The following VWF variants were observed in gnomAD, a reference collection of about 807,000 sequenced individuals.
VWF encodes von Willebrand factor, also known as Factor VIII related antigen.
VWF carries 176 observed loss-of-function variants against 308.6 expected under a neutral mutation model. The observed-to-expected ratio is 0.57, with a 90% CI of 0.50 to 0.65. The LOEUF (loss-of-function observed/expected upper bound fraction) is 0.65. Ranked by LOEUF, VWF falls within the 30% of genes least tolerant of loss-of-function variation. The pLI is 0.00. For missense variants in VWF, 3,146 were observed against 3,648.2 expected, an observed-to-expected ratio of 0.86 and a Z score of 3.55; for synonymous variants, 1,385 against 1,443.4, an observed-to-expected ratio of 0.96 and a Z score of 0.92.
intron 22 of VWF, among the ~76,000 whole-genome samples, chr12:6,028,389 A>G (rs1402962667): frequency 2.0e-5 from 3 of 152,228 alleles, no homozygotes; most frequent in Non-Finnish European, 2.9e-5. Context: ...ATTGTCATTC[A>G]GATTCAAGAA....
intron 16 of VWF, among the ~76,000 whole-genome samples, chr12:6,051,297 T>TCC: frequency 1.4e-5 from 2 of 145,568 alleles, no homozygotes; most frequent in Admixed American, 6.8e-5. Flanking sequence ...TTTTTTTTTT[T>TCC]TTTTTTTTTT....
chr12:6,056,782 G>A, intron 15 of VWF, 75 bp downstream of exon 15: 1 of 1,237,524 alleles, frequency 8.1e-7, no homozygotes, highest in Non-Finnish European at 1.0e-6. Flanking sequence ...ACAACGCAGA[G>A]AAAGGGCTTC....
intron 47 of VWF, among the ~76,000 whole-genome samples, chr12:5,964,274 GCATACATACATGCATA>G (rs1943369840): frequency 7.4e-6 from 1 of 134,706 alleles, no homozygotes; most frequent in Non-Finnish European, 1.6e-5. Context: ...ATACATACAT[GCATACATACATGCATA>G]CATACATACA....
In VWF at chr12:6,063,070, A is replaced by G; in HGVS notation, c.1433-16T>C. 7.5e-6 allele frequency: 12 copies of G among 1,610,116 alleles called. No homozygotes were observed. Among genetic ancestry groups the G allele is most frequent in the Non-Finnish European group, 9.3e-6 (11 of 1,177,856 alleles). The stretch of plus-strand genomic sequence containing the variant: ...CGGAGGTCACCTGGAACCCAGCAGG[A>G]CAGGACTCAGGCAGAGGTGGGGAGA... On this transcript the variant is annotated splice_polypyrimidine_tract_variant and intron_variant, in intron 12 of 51. Transcript: ENST00000261405. The surrounding 1 kb of genome is among the most constrained non-coding windows in gnomAD (Gnocchi z 4.9).
chr12:5,970,490 C>G (rs900566058), intron 44 of VWF, among the ~76,000 whole-genome samples: 6 of 152,132 alleles, frequency 3.9e-5, no homozygotes, highest in Non-Finnish European at 7.4e-5. Context: ...TGGGGCAGCC[C>G]CTGATCTGAG....
chr12:6,062,892 G>T, intron 13 of VWF, 62 bp downstream of exon 13: 2 of 1,382,304 alleles, frequency 1.4e-6, no homozygotes, highest in Non-Finnish European at 2.0e-6. Context: ...TCTACCCAGA[G>T]CACAAGGGGT....
At chr12:6,035,495 T>A (rs1417641426) in intron 19 of VWF, among the ~76,000 whole-genome samples, 1 of 152,130 alleles carries the variant, frequency 6.6e-6, no homozygotes, top group East Asian at 1.9e-4. Context: ...CCTCTCTACC[T>A]CTGTCCAGTA....
Position 6,046,621 on chromosome 12 carries a change from C to T in VWF, c.2281+102G>A. On this transcript the variant is annotated intron_variant, in intron 17 of 51. Coordinates refer to ENST00000261405, the MANE Select transcript of VWF (RefSeq NM_000552.5). This position sits in a 1 kb window ranked among gnomAD's most constrained non-coding sequence, Gnocchi z 5.0. Reference sequence around the variant, plus strand: ...GAAGCCAGACCCATGCCTGGGTGCACACGCACATCTGACGGTGTCACCCAG... The same window carrying T: ...GAAGCCAGACCCATGCCTGGGTGCATACGCACATCTGACGGTGTCACCCAG... 2 of 1,178,080 alleles carry T rather than the reference C, an allele frequency of 1.7e-6. No homozygotes were observed. The highest frequency in any genetic ancestry group is 2.5e-6 in the Non-Finnish European group (2 of 788,716). 73.0% of individuals were successfully genotyped at this position (1,178,080 alleles called of 1,614,324 possible).
Position 5,970,990 on chromosome 12 carries a change from C to A in VWF, c.7548+609G>T, listed in dbSNP as rs117938721. On this transcript the variant is annotated intron_variant, in intron 44 of 51. Coordinates refer to ENST00000261405, the MANE Select transcript of VWF (RefSeq NM_000552.5). ...ATGAGCATCAGAGTCTAAGAGAGAA[C>A]CTGGCAGCACATGGGGGACAGCTGA... 1.9e-3 allele frequency among the ~76,000 whole-genome samples: 283 copies of A among 152,270 alleles called. 6 individuals carry two copies. In the East Asian group the frequency reaches 0.049, roughly 26 times the overall value.
intron 6 of VWF, chr12:6,095,238 T>G: frequency 1.6e-6 from 1 of 628,266 alleles, no homozygotes; most frequent in Non-Finnish European, 2.9e-6. Flanking sequence ...GCAGCACAAA[T>G]GGACTGAGAC....
chr12:6,119,135 C>T (rs1179354262), intron 3 of VWF, among the ~76,000 whole-genome samples: 2 of 152,336 alleles, frequency 1.3e-5, no homozygotes, highest in South Asian at 2.1e-4. Context: ...TCACAGCCTG[C>T]GGAATCGACT....
At chr12:6,003,302 G>A (rs1943892095) in intron 34 of VWF, among the ~76,000 whole-genome samples, 1 of 152,252 alleles carries the variant, frequency 6.6e-6, no homozygotes, top group East Asian at 1.9e-4. Context: ...GTATAAAGAT[G>A]TAATGTTTAT....
At chr12:6,079,385 T>C (rs1944878882) in intron 6 of VWF, among the ~76,000 whole-genome samples, 2 of 151,880 alleles carry the variant, frequency 1.3e-5, no homozygotes, top group Admixed American at 6.6e-5. Flanking sequence ...GGCGGGCGGA[T>C]CAAGAGGTCA....
rs1215853112 is a variant in VWF at position 5,985,654 on chromosome 12, G to C, written c.6810C>G (p.Ala2270=). 2.5e-6 allele frequency: 4 copies of C among 1,614,126 alleles called. No homozygotes were observed. The highest frequency in any genetic ancestry group is 1.6e-4 in the Middle Eastern group (1 of 6,062). ...GACAGGGCTGGTGGTCCGGGACCCA[G>C]GCTTCCAGGAACTGAGGGCAAAGCG... is the stretch of plus-strand genomic sequence containing the variant. ...EDGVQHQFLE[A]WVPDHQPCQI... The change falls in exon 39 of 52, where the codon GCC becomes GCG. Residue 2270 remains alanine (A), a synonymous_variant. Transcript: ENST00000261405.
Position 6,103,383 on chromosome 12 carries a change from CACGTGTGTGTAT to C in VWF, c.532+6979_532+6990del, listed in dbSNP as rs1187010224. Reference sequence around the variant, plus strand: ...ACATATATATGTGTGTGTGTGTATACACGTGTGTGTATACACGTGTGTGTATACACACGTGTG... The same window carrying C: ...ACATATATATGTGTGTGTGTGTATACACACGTGTGTGTATACACACGTGTG... On this transcript the variant is annotated intron_variant, in intron 5 of 51. Coordinates refer to ENST00000261405, the MANE Select transcript of VWF (RefSeq NM_000552.5). Among the ~76,000 whole-genome samples the C allele has an allele frequency of 4.9e-4, 64 of 130,588 alleles. 5 individuals carry two copies. Among genetic ancestry groups the C allele is most frequent in the African/African-American group, 1.1e-3 (34 of 29,612 alleles). 85.7% of individuals were successfully genotyped at this position (130,588 alleles called of 152,430 possible). A position where few individuals can be genotyped will look rare whatever the true frequency, so the allele number is the denominator to read the frequency against.
In VWF at chr12:6,026,066, G is replaced by C; in HGVS notation, c.2968-20C>G. The C allele has an allele frequency of 6.2e-7, 1 of 1,613,960 alleles. No homozygotes were observed. Among genetic ancestry groups the C allele is most frequent in the Non-Finnish European group, 8.5e-7 (1 of 1,179,856 alleles). ...TTTCTCCTTGAGAGACAAGTTGAGG[G>C]ATGAGCACCGTCAAGCCCAGGAGCA... On this transcript the variant is annotated intron_variant, in intron 22 of 51. Coordinates refer to ENST00000261405, the MANE Select transcript of VWF (RefSeq NM_000552.5).
intron 47 of VWF, among the ~76,000 whole-genome samples, chr12:5,963,552 T>C (rs1437561447): frequency 1.3e-5 from 2 of 152,236 alleles, no homozygotes; most frequent in African/African-American, 4.8e-5. Flanking sequence ...AACTTCTCCC[T>C]GAGAAGCATG....
chr12:6,110,818 G>T, intron 4 of VWF, 48 bp downstream of exon 4: 1 of 1,578,806 alleles, frequency 6.3e-7, no homozygotes, highest in Non-Finnish European at 8.7e-7. Context: ...AGGGGGTTGT[G>T]TCAGGGGATC....
intron 51 of VWF, 129 bp downstream of exon 51, chr12:5,949,657 G>T (rs1943156692): frequency 1.0e-6 from 1 of 980,714 alleles, no homozygotes. Context: ...AAAAAAAAAT[G>T]CTTCCAGTTT....
Sources: gnomAD v4.1 joint callset for allele counts (sites outside exome capture counted in the v4.1 genomes callset) on GRCh38, gnomAD v4.1.1 for gene constraint, Gnocchi (gnomAD v3.1) non-coding constraint, MANE v1.5 for transcripts, NCBI Gene and HGNC (gene_info 2026-07-23, HGNC 2026-07-21) for gene names.